DPP10: variants seen among roughly 807,000 people sequenced by gnomAD.
DPP10 encodes the protein dipeptidyl peptidase like 10, also known as inactive dipeptidyl peptidase 10.
Under a neutral mutation model 120.9 loss-of-function variants are expected in DPP10, and 33 were observed. The ratio of observed to expected loss-of-function variants is 0.27; its 90% CI spans 0.21 to 0.37. DPP10 has a LOEUF of 0.37. Ranked by LOEUF, DPP10 falls within the 10% of genes least tolerant of loss-of-function variation. The pLI, the probability that DPP10 is intolerant of heterozygous loss-of-function variation, is 1.00. For synonymous variants in DPP10, 337 were observed against 326.1 expected, an observed-to-expected ratio of 1.03 and a Z score of -0.36; for missense variants, 816 against 942.8, an observed-to-expected ratio of 0.87 and a Z score of 1.76.
At chr2:114,728,021 A>C (rs1156245190) in intron 1 of DPP10, among the ~76,000 whole-genome samples, 1 of 152,236 alleles carries the variant, frequency 6.6e-6, no homozygotes, top group Admixed American at 6.5e-5. Context: ...GTGCTAATAG[A>C]GAAGTGGTAA....
intron 5 of DPP10, among the ~76,000 whole-genome samples, chr2:115,540,240 A>C (rs1251149276): frequency 6.6e-6 from 1 of 151,922 alleles, no homozygotes; most frequent in Non-Finnish European, 1.5e-5. Flanking sequence ...AATAGACTGA[A>C]GTATTGCATT....
intron 7 of DPP10, among the ~76,000 whole-genome samples, chr2:115,702,921 A>G (rs1003326315): frequency 1.3e-5 from 2 of 152,216 alleles, no homozygotes; most frequent in Non-Finnish European, 2.9e-5. Context: ...CATTCAGTTG[A>G]AAAGGCTTGT....
intron 1 of DPP10, among the ~76,000 whole-genome samples, chr2:114,957,588 T>C (rs1698307942): frequency 6.6e-6 from 1 of 152,174 alleles, no homozygotes; most frequent in African/African-American, 2.4e-5. Flanking sequence ...CCATTTCACC[T>C]CTGGATATAG....
chr2:114,792,990 TTGTGTGTG>T (rs55780807), intron 1 of DPP10, among the ~76,000 whole-genome samples: 2,034 of 143,456 alleles, frequency 0.014, 24 homozygotes, highest in Admixed American at 0.023. Flanking sequence ...AACTGTATTA[TTGTGTGTG>T]TGTGTGTGTG....
intron 1 of DPP10, among the ~76,000 whole-genome samples, chr2:114,771,103 T>TAAA (rs1448306985): frequency 6.6e-6 from 1 of 152,206 alleles, no homozygotes; most frequent in Non-Finnish European, 1.5e-5. Flanking sequence ...TTAGAATATG[T>TAAA]TAAGAAAAAT....
At chr2:114,593,289 C>G (rs892859690) in intron 1 of DPP10, among the ~76,000 whole-genome samples, 1 of 152,144 alleles carries the variant, frequency 6.6e-6, no homozygotes, top group Non-Finnish European at 1.5e-5. Context: ...AATGGAACAG[C>G]AGAGCCACGC....
At chr2:115,455,718 A>G (rs1373260264) in intron 3 of DPP10, among the ~76,000 whole-genome samples, 3 of 152,324 alleles carry the variant, frequency 2.0e-5, no homozygotes, top group South Asian at 2.1e-4. Flanking sequence ...CAATGGGGAA[A>G]GAATTCCCTA....
At chr2:115,355,871 T>G (rs2064348339) in intron 3 of DPP10, among the ~76,000 whole-genome samples, 1 of 152,142 alleles carries the variant, frequency 6.6e-6, no homozygotes, top group African/African-American at 2.4e-5. Flanking sequence ...GCTGTAGATG[T>G]GTGGTGTTAT....
intron 1 of DPP10, among the ~76,000 whole-genome samples, chr2:114,687,961 A>C (rs1699481340): frequency 6.6e-6 from 1 of 151,984 alleles, no homozygotes; most frequent in South Asian, 2.1e-4. Context: ...TAATGAAAAC[A>C]TTTCTTCTAA....
intron 1 of DPP10, among the ~76,000 whole-genome samples, chr2:115,061,161 A>T (rs1706366004): frequency 6.6e-6 from 1 of 152,158 alleles, no homozygotes; most frequent in Admixed American, 6.5e-5. Context: ...AAAAATCATC[A>T]TTTCATCCCA....
At chr2:115,456,102 A>T (rs1157307441) in intron 3 of DPP10, among the ~76,000 whole-genome samples, 1 of 152,032 alleles carries the variant, frequency 6.6e-6, no homozygotes, top group African/African-American at 2.4e-5. Context: ...ATCTACAAAG[A>T]ACTTAAATTT....
At chr2:114,863,477 G>C (rs1233578551) in intron 1 of DPP10, among the ~76,000 whole-genome samples, 3 of 152,106 alleles carry the variant, frequency 2.0e-5, no homozygotes, top group Non-Finnish European at 2.9e-5. Flanking sequence ...GACTTACAGG[G>C]AGGTTTTGGT....
intron 1 of DPP10, among the ~76,000 whole-genome samples, chr2:115,216,836 C>G (rs2056852228): frequency 6.6e-6 from 1 of 151,636 alleles, no homozygotes; most frequent in South Asian, 2.1e-4. Context: ...TATACACACC[C>G]ATATATAGAC....
chr2:114,642,629 A>C (rs541725674), intron 1 of DPP10, among the ~76,000 whole-genome samples: 1 of 151,942 alleles, frequency 6.6e-6, no homozygotes, highest in South Asian at 2.1e-4. Context: ...AAAATAAATG[A>C]CTATCGAGAA....
Position 114,870,572 on chromosome 2 carries a change from C to G in DPP10, c.60+427734C>G, listed in dbSNP as rs1574383378. Among the ~76,000 whole-genome samples the G allele has an allele frequency of 2.4e-5, 2 of 82,704 alleles. 1 individual carries two copies. Among genetic ancestry groups the G allele is most frequent in the African/African-American group, 7.2e-5 (2 of 27,880 alleles). The allele number at this position is 82,704 out of a possible 152,430, so 54.3% of individuals were successfully genotyped here. On this transcript the variant is annotated intron_variant, in intron 1 of 25. Transcript: ENST00000410059. ...AGGGGGAACTCTTGGCTGAAGGACA[C>G]ATATAAAAGGATGCAGAGACATTAA...
chr2:114,540,229 T>G (rs943660699), intron 1 of DPP10, among the ~76,000 whole-genome samples: 2 of 152,182 alleles, frequency 1.3e-5, no homozygotes, highest in African/African-American at 2.4e-5. Context: ...AAGAGTAGTT[T>G]TAACTCCCTA....
At chr2:114,575,727 G>A (rs1169703762) in intron 1 of DPP10, among the ~76,000 whole-genome samples, 1 of 152,054 alleles carries the variant, frequency 6.6e-6, no homozygotes, top group Non-Finnish European at 1.5e-5. Flanking sequence ...ACAAATTTGG[G>A]GTGGTAGTCT....
intron 2 of DPP10, among the ~76,000 whole-genome samples, chr2:115,335,527 G>T (rs926929343): frequency 1.3e-5 from 2 of 151,778 alleles, no homozygotes; most frequent in African/African-American, 2.4e-5. Context: ...GGAAAGAAAA[G>T]AACAGATATT....
intron 1 of DPP10, among the ~76,000 whole-genome samples, chr2:114,767,465 C>T (rs1371161282): frequency 6.6e-6 from 1 of 151,574 alleles, no homozygotes; most frequent in East Asian, 1.9e-4. Context: ...TATGAATCCA[C>T]AGATAGGAGT....
Sources: allele counts gnomAD v4.1 joint callset (sites outside exome capture counted in the v4.1 genomes callset), GRCh38; gene constraint gnomAD v4.1.1; transcripts MANE v1.5; gene names NCBI Gene and HGNC (gene_info 2026-07-23, HGNC 2026-07-21).